RNF144A: variants seen among roughly 807,000 people sequenced by gnomAD.
The protein encoded by RNF144A is ring finger protein 144A.
Under a neutral mutation model 38.7 loss-of-function variants are expected in RNF144A, and 11 were observed. That is an observed-to-expected ratio of 0.28 (90% CI 0.18 to 0.47). The LOEUF is 0.47. Among genes scored for constraint, RNF144A ranks in the 20% least tolerant of loss-of-function variants. The pLI is 0.99. For synonymous variants in RNF144A, 149 were observed against 143.9 expected (o/e 1.04, Z -0.25); for missense variants, 316 against 377.2 (o/e 0.84, Z 1.34).
At chr2:7,075,981 T>C in the RNF144A span, among the ~76,000 whole-genome samples, 4 of 152,260 alleles carry the variant, frequency 2.6e-5, no homozygotes, top group African/African-American at 4.8e-5. Context: ...TCTCTGCTCC[T>C]TATTGTGTAT....
At chr2:6,995,416 A>G (rs1290748899) in intron 2 of RNF144A, among the ~76,000 whole-genome samples, 3 of 152,158 alleles carry the variant, frequency 2.0e-5, no homozygotes, top group Admixed American at 6.5e-5. Flanking sequence ...AGATGTTTAT[A>G]TAAAGGGGAG....
At chr2:7,063,857 C>CTATA (rs1416186407) in intron 6 of RNF144A, among the ~76,000 whole-genome samples, 2 of 152,146 alleles carry the variant, frequency 1.3e-5, no homozygotes, top group Admixed American at 1.3e-4. Flanking sequence ...TAAAATATGC[C>CTATA]TTAGTCCATT....
intron 5 of RNF144A, among the ~76,000 whole-genome samples, chr2:7,017,317 C>A: frequency 1.3e-5 from 1 of 74,802 alleles, no homozygotes; most frequent in African/African-American, 4.9e-5. Flanking sequence ...TTTTTTTGTT[C>A]TTTGTTTTTT....
rs1438249319 is a variant in RNF144A at position 7,041,929 on chromosome 2, G to C, written c.*2169G>C. 2.0e-6 allele frequency: 2 copies of C among 985,320 alleles called. No homozygotes were observed. The highest frequency in any genetic ancestry group is 2.4e-6 in the Non-Finnish European group (2 of 829,962). The allele number at this position is 985,320 out of a possible 1,614,324, so 61.0% of individuals were successfully genotyped here. On this transcript the variant is annotated 3_prime_UTR_variant, in exon 9 of 9. Transcript: ENST00000320892. Reference sequence around the variant, plus strand: ...TTGGAAGAGTCTCTGGCCCAGTCATGCACATCTGTAGCCCCAGCCATCCTT... The same window carrying C: ...TTGGAAGAGTCTCTGGCCCAGTCATCCACATCTGTAGCCCCAGCCATCCTT...
At chr2:6,994,304 G>A (rs1359944790) in intron 2 of RNF144A, among the ~76,000 whole-genome samples, 1 of 152,136 alleles carries the variant, frequency 6.6e-6, no homozygotes, top group East Asian at 1.9e-4. Context: ...CTCAGTGCCT[G>A]GGGTGAAGGT....
At chr2:6,983,250 C>G (rs1288640661) in intron 2 of RNF144A, among the ~76,000 whole-genome samples, 1 of 152,186 alleles carries the variant, frequency 6.6e-6, no homozygotes, top group African/African-American at 2.4e-5. Context: ...AATTTAAAGG[C>G]TCCAGTTTTC....
rs754987226 is a variant in RNF144A at position 7,054,122 on chromosome 2, C to T, written c.735-14094C>T. On this transcript the variant is annotated intron_variant, in intron 6 of 6. Transcript: ENST00000432850. Reference sequence around the variant, plus strand: ...CCTGAAGGCAGGGGAGAGCCAGCTGCGCAGTTGCTTGTGGGAGTGGCCAGC... The same window carrying T: ...CCTGAAGGCAGGGGAGAGCCAGCTGTGCAGTTGCTTGTGGGAGTGGCCAGC... 4.6e-5 allele frequency among the ~76,000 whole-genome samples: 7 copies of T among 152,264 alleles called. No individual in the cohort carries two copies. In the South Asian group the frequency reaches 1.0e-3, roughly 23 times the overall value.
chr2:7,066,236 C>A (rs1185167115), intron 6 of RNF144A, among the ~76,000 whole-genome samples: 2 of 152,200 alleles, frequency 1.3e-5, no homozygotes, highest in South Asian at 4.2e-4. Flanking sequence ...TACAGGCGCC[C>A]ACTATCACGC....
At chr2:7,021,145 T>C (rs1671504566) in intron 6 of RNF144A, among the ~76,000 whole-genome samples, 2 of 152,156 alleles carry the variant, frequency 1.3e-5, no homozygotes, top group African/African-American at 2.4e-5. Context: ...CCTGCAGCCA[T>C]AGTCGGGCTG....
At chr2:6,954,369 A>G (rs1666870992) in intron 2 of RNF144A, among the ~76,000 whole-genome samples, 1 of 152,184 alleles carries the variant, frequency 6.6e-6, no homozygotes, top group Non-Finnish European at 1.5e-5. Flanking sequence ...GTAAAAAAAA[A>G]GAAAGCCTTA....
chr2:6,990,385 TACAC>T (rs60196595), intron 2 of RNF144A, among the ~76,000 whole-genome samples: 6,835 of 123,504 alleles, frequency 0.055, 265 homozygotes, highest in South Asian at 0.079. Context: ...TATATATATT[TACAC>T]ACACACACAC....
chr2:6,999,661 A>G (rs1220775134), intron 3 of RNF144A, among the ~76,000 whole-genome samples: 2 of 152,312 alleles, frequency 1.3e-5, no homozygotes, highest in African/African-American at 2.4e-5. Flanking sequence ...CCCCATCTGT[A>G]TAATGGAGAT....
At chr2:7,032,173 C>T (rs1052339698) in intron 8 of RNF144A, among the ~76,000 whole-genome samples, 2 of 152,268 alleles carry the variant, frequency 1.3e-5, no homozygotes, top group Non-Finnish European at 2.9e-5. Flanking sequence ...GCACGTGGCC[C>T]GGCACGGCTT....
intron 2 of RNF144A, among the ~76,000 whole-genome samples, chr2:6,989,165 A>G (rs772081529): frequency 5.8e-4 from 88 of 152,344 alleles, no homozygotes; most frequent in South Asian, 1.7e-3. Context: ...ACAAGGAAAC[A>G]TATGTATGTA....
At chr2:6,990,427 CACACACACAG>C (rs1319056901) in intron 2 of RNF144A, among the ~76,000 whole-genome samples, 3,768 of 64,438 alleles carry the variant, frequency 0.058, 101 homozygotes, top group Non-Finnish European at 0.074. Flanking sequence ...CACACACACA[CACACACACAG>C]AGCTATATAT....
intron 2 of RNF144A, among the ~76,000 whole-genome samples, chr2:6,952,263 A>G (rs1666733233): frequency 6.6e-6 from 1 of 152,120 alleles, no homozygotes; most frequent in African/African-American, 2.4e-5. Context: ...TTGTTTAAAT[A>G]CACATCTGAC....
rs148158532 is a variant in RNF144A at position 6,927,284 on chromosome 2, C to A, written c.-212+9662C>A. On this transcript the variant is annotated intron_variant, in intron 1 of 8. Coordinates refer to ENST00000320892, the MANE Select transcript of RNF144A (RefSeq NM_014746.6). ...GAAAGGAATGCACAATTTCTGCCTG[C>A]TGATTGGCCGAGGGAAGCATTTCTT... Among the ~76,000 whole-genome samples, 206 of 152,340 alleles carry A rather than the reference C, an allele frequency of 1.4e-3. 1 individual carries two copies. The highest frequency in any genetic ancestry group is 4.7e-3 in the African/African-American group (196 of 41,576).
intron 6 of RNF144A, among the ~76,000 whole-genome samples, chr2:7,064,579 C>T (rs1674120606): frequency 6.6e-6 from 1 of 151,998 alleles, no homozygotes; most frequent in Non-Finnish European, 1.5e-5. Flanking sequence ...CAGAACCTCA[C>T]TGAAGTAAAG....
rs1056050886 is a variant in RNF144A, at chr2:7,044,106, G to A, written c.*4346G>A. ...ATATTTTAAATGTATTGTGTCTTAC[G>A]TAGTTTGTCCCCCCCTTTAGCAGGG... On this transcript the variant is annotated 3_prime_UTR_variant, in exon 9 of 9. Transcript: ENST00000320892. The A allele has an allele frequency of 1.5e-5, 15 of 985,598 alleles. No homozygotes were observed. The highest frequency in any genetic ancestry group is 5.2e-4 in the Middle Eastern group (1 of 1,936). 61.1% of individuals were successfully genotyped at this position (985,598 alleles called of 1,614,324 possible).
Sources: allele counts gnomAD v4.1 joint callset (sites outside exome capture counted in the v4.1 genomes callset), GRCh38; gene constraint gnomAD v4.1.1; transcripts MANE v1.5; gene names NCBI Gene and HGNC (gene_info 2026-07-23, HGNC 2026-07-21).